Variants in SLC45A1 observed in about 807,000 individuals in gnomAD.
SLC45A1 encodes solute carrier family 45 member 1, also known as proton-associated sugar transporter A.
SLC45A1 carries 28 observed loss-of-function variants against 57.6 expected under a neutral mutation model. That is an observed-to-expected ratio of 0.49 (90% CI 0.36 to 0.67). The LOEUF (loss-of-function observed/expected upper bound fraction) is 0.67. Ranked by LOEUF, SLC45A1 falls within the 30% of genes least tolerant of loss-of-function variation. The probability of loss-of-function intolerance (pLI) is 0.00; values close to 1 mark genes in which losing one functional copy is unlikely to be tolerated. For missense variants in SLC45A1, 814 were observed against 1,041.5 expected, an observed-to-expected ratio of 0.78 and a Z score of 3.01; for synonymous variants, 459 against 471.5, an observed-to-expected ratio of 0.97 and a Z score of 0.34.
intron 7 of SLC45A1, among the ~76,000 whole-genome samples, chr1:8,338,589 G>A (rs932961179): frequency 6.6e-6 from 1 of 152,348 alleles, no homozygotes; most frequent in Non-Finnish European, 1.5e-5. Context: ...CAAAAGGCCA[G>A]AGAGTTGGTA....
Position 8,335,641 on chromosome 1 carries a change from T to G in SLC45A1, c.1597+51T>G. 6.6e-7 allele frequency: 1 copy of G among 1,520,424 alleles called. No individual in the cohort carries two copies. 94.2% of individuals were successfully genotyped at this position (1,520,424 alleles called of 1,614,324 possible). A position where few individuals can be genotyped will look rare whatever the true frequency, so the allele number is the denominator to read the frequency against. Reference sequence around the variant, plus strand: ...TGAGTCCTGGTCCTGCTCAGGGCTCTCGCCCCACTGGCCTCCCAGGATGCC... The same window carrying G: ...TGAGTCCTGGTCCTGCTCAGGGCTCGCGCCCCACTGGCCTCCCAGGATGCC... On this transcript the variant is annotated intron_variant, in intron 6 of 8. Coordinates refer to ENST00000471889, the MANE Select transcript of SLC45A1 (RefSeq NM_001080397.3). The surrounding 1 kb of genome is among the most constrained non-coding windows in gnomAD (Gnocchi z 4.1).
intron 4 of SLC45A1, among the ~76,000 whole-genome samples, chr1:8,329,241 C>A (rs564367520): frequency 6.6e-6 from 1 of 152,160 alleles, no homozygotes; most frequent in African/African-American, 2.4e-5. Flanking sequence ...AAAGGTAAAC[C>A]CCTAATGTGG....
In SLC45A1 at chr1:8,343,728, G is replaced by A. The variant is rs759286140; in HGVS notation, c.1981-19G>A. On this transcript the variant is annotated intron_variant, in intron 8 of 8. Coordinates refer to ENST00000471889, the MANE Select transcript of SLC45A1 (RefSeq NM_001080397.3). This position sits in a 1 kb window ranked among gnomAD's most constrained non-coding sequence, Gnocchi z 7.7. ...TGGCCGCGGCGTGTCTCGCTGACAC[G>A]TTTCTTCCTCTGGGTCAGTTTGCAG... 9.4e-6 allele frequency: 15 copies of A among 1,597,078 alleles called. No homozygotes were observed. Among genetic ancestry groups the A allele is most frequent in the Middle Eastern group, 1.7e-4 (1 of 6,048 alleles).
At position 8,339,482 on chromosome 1, in the gene SLC45A1, G is replaced by A. The variant is rs1640734025; in HGVS notation, c.1775-11G>A. 2 of 1,613,956 alleles carry A rather than the reference G, an allele frequency of 1.2e-6. No homozygotes were observed. Among genetic ancestry groups the A allele is most frequent in the Non-Finnish European group, 1.7e-6 (2 of 1,179,968 alleles). On this transcript the variant is annotated splice_polypyrimidine_tract_variant and intron_variant, in intron 7 of 8. Coordinates refer to ENST00000471889, the MANE Select transcript of SLC45A1 (RefSeq NM_001080397.3). ...CCGTGTGGCACTGCTCACCCTCTCT[G>A]TGGCCCGCAGCTATCCTGGAGAAGC... is the stretch of plus-strand genomic sequence containing the variant.
At chr1:8,334,315 T>C (rs943568302) in intron 5 of SLC45A1, among the ~76,000 whole-genome samples, 2 of 152,236 alleles carry the variant, frequency 1.3e-5, no homozygotes, top group African/African-American at 4.8e-5. Flanking sequence ...GCTCTGCCGA[T>C]GTGGGTGTCC....
At position 8,330,429 on chromosome 1, in the gene SLC45A1, G is replaced by A. The variant is rs750070749; in HGVS notation, c.936G>A (p.Pro312=). ...AGAGCCCCAGCCTCCCGCTGCCCCC[G>A]TCCCCACCCGTCCTGCCAGAGGAAG... ...AMKSPSLPLP[P]SPPVLPEEGP... The change falls in exon 5 of 9, where the codon CCG becomes CCA. Residue 312 remains proline, a synonymous_variant. Transcript: ENST00000471889. This position sits in a 1 kb window ranked among gnomAD's most constrained non-coding sequence, Gnocchi z 8.4. 99 of 1,610,988 alleles carry A rather than the reference G, an allele frequency of 6.1e-5. No individual in the cohort carries two copies. The highest frequency in any genetic ancestry group is 1.6e-4 in the Middle Eastern group (1 of 6,078).
intron 1 of SLC45A1, among the ~76,000 whole-genome samples, chr1:8,319,544 T>A (rs1639935297): frequency 2.0e-5 from 3 of 152,206 alleles, no homozygotes. Context: ...TTGCATAGCC[T>A]TCGGGGGATC....
At chr1:8,321,302 A>G (rs562101028) in intron 1 of SLC45A1, among the ~76,000 whole-genome samples, 1 of 152,148 alleles carries the variant, frequency 6.6e-6, no homozygotes, top group East Asian at 1.9e-4. Context: ...CCTACAGGAA[A>G]GCGTGGTATT....
At position 8,328,352 on chromosome 1, in the gene SLC45A1, G is replaced by C. The variant is rs975738040; in HGVS notation, c.716-1857G>C. On this transcript the variant is annotated intron_variant, in intron 4 of 8. Coordinates refer to ENST00000471889, the MANE Select transcript of SLC45A1 (RefSeq NM_001080397.3). This position sits in a 1 kb window ranked among gnomAD's most constrained non-coding sequence, Gnocchi z 4.6. ...AAATGGCTCTACTTCCACAAGCCTC[G>C]GTCGCATCTCCTGGAAAATGTTGCC... is the stretch of plus-strand genomic sequence containing the variant. Among the ~76,000 whole-genome samples the C allele has an allele frequency of 1.1e-4, 17 of 152,158 alleles. No homozygotes were observed. Among genetic ancestry groups the C allele is most frequent in the African/African-American group, 4.1e-4 (17 of 41,422 alleles).
Position 8,330,045 on chromosome 1 carries a change from C to G in SLC45A1, c.716-164C>G. 1 of 868,998 alleles carries G rather than the reference C, an allele frequency of 1.2e-6. No homozygotes were observed. The highest frequency in any genetic ancestry group is 1.8e-6 in the Non-Finnish European group (1 of 569,216). 53.8% of individuals were successfully genotyped at this position (868,998 alleles called of 1,614,324 possible). ...AGGGGGACCTCCTCAAGGGGCCCGC[C>G]CTGGGAATCCTGTCCCATTTTGTTG... On this transcript the variant is annotated intron_variant, in intron 4 of 8. Coordinates refer to ENST00000471889, the MANE Select transcript of SLC45A1 (RefSeq NM_001080397.3). This position sits in a 1 kb window ranked among gnomAD's most constrained non-coding sequence, Gnocchi z 8.4.
Position 8,324,658 on chromosome 1 carries a change from C to T in SLC45A1, c.329C>T (p.Pro110Leu), listed in dbSNP as rs1640139500. Residue 110 changes from proline to leucine, a missense_variant, in exon 2 of 9, where the codon CCG becomes CTG. By Grantham distance (98) the Pro-to-Leu change is moderately conservative. Transcript: ENST00000471889. ...SYAMETAYVT[P>L]VLLQMGLPDQ... ...GCCATGGAGACGGCGTACGTGACCC[C>T]GGTGCTCCTGCAGATGGGCCTGCCC... 3.1e-6 allele frequency: 5 copies of T among 1,599,858 alleles called. No homozygotes were observed. Among genetic ancestry groups the T allele is most frequent in the Non-Finnish European group, 4.3e-6 (5 of 1,173,582 alleles).
rs1430357690 is a variant in SLC45A1, at chr1:8,327,050, C to T, written c.715+1008C>T. On this transcript the variant is annotated intron_variant, in intron 4 of 8. Coordinates refer to ENST00000471889, the MANE Select transcript of SLC45A1 (RefSeq NM_001080397.3). The surrounding 1 kb of genome is among the most constrained non-coding windows in gnomAD (Gnocchi z 4.3). The stretch of plus-strand genomic sequence containing the variant: ...AGCGTGGAGACGAGAAGGCAGAGCT[C>T]AGCCCTGCGGGGCCTCAGCTGGATC... Among the ~76,000 whole-genome samples the T allele has an allele frequency of 6.6e-6, 1 of 152,250 alleles. No individual in the cohort carries two copies. The highest frequency in any genetic ancestry group is 1.9e-4 in the East Asian group (1 of 5,206).
Position 8,339,543 on chromosome 1 carries a change from A to G in SLC45A1, c.1825A>G (p.Ile609Val). 1 of 1,614,148 alleles carries G rather than the reference A, an allele frequency of 6.2e-7. No homozygotes were observed. The highest frequency in any genetic ancestry group is 8.5e-7 in the Non-Finnish European group (1 of 1,180,028). The change falls in exon 8 of 9, where the codon ATC (isoleucine) becomes GTC (valine). Residue 609 changes from isoleucine (I) to valine (V), a missense_variant. Coordinates refer to ENST00000471889, the MANE Select transcript of SLC45A1 (RefSeq NM_001080397.3). ...CCTCAGCGTCCGCACCCTCTACTTC[A>G]TCGCCTATCTCGCCTTCGGCCTGGG... ...EFLSVRTLYF[I>V]AYLAFGLGTG...
rs1305399179 is a variant in SLC45A1 at position 8,333,239 on chromosome 1, CT to C, written c.1444-2186del. 6.6e-3 allele frequency among the ~76,000 whole-genome samples: 953 copies of C among 144,714 alleles called. 12 individuals carry two copies. Among genetic ancestry groups the C allele is most frequent in the African/African-American group, 0.018 (706 of 39,540 alleles). 94.9% of individuals were successfully genotyped at this position (144,714 alleles called of 152,430 possible). On this transcript the variant is annotated intron_variant, in intron 5 of 8. Coordinates refer to ENST00000471889, the MANE Select transcript of SLC45A1 (RefSeq NM_001080397.3). The stretch of plus-strand genomic sequence containing the variant: ...GCACTGTTCATTTTCTTTTCCTTTC[CT>C]TTTTTTTTTTTCTTTTATTTCTTTT...
Position 8,330,083 on chromosome 1 carries a change from A to G in SLC45A1, c.716-126A>G. 1 of 1,224,672 alleles carries G rather than the reference A, an allele frequency of 8.2e-7. No homozygotes were observed. 75.9% of individuals were successfully genotyped at this position (1,224,672 alleles called of 1,614,324 possible). ...TCCCATTTTGTTGGGGTTTAGGTGG[A>G]ACAGGTTCTGTGCCCACGTCCCTGG... On this transcript the variant is annotated intron_variant, in intron 4 of 8. Transcript: ENST00000471889. This position sits in a 1 kb window ranked among gnomAD's most constrained non-coding sequence, Gnocchi z 8.4.
intron 4 of SLC45A1, among the ~76,000 whole-genome samples, chr1:8,329,479 C>A (rs992542868): frequency 4.6e-5 from 7 of 152,218 alleles, no homozygotes; most frequent in Admixed American, 2.6e-4. Flanking sequence ...CTCTTGCCAT[C>A]GAAGCACAGA....
At chr1:8,329,713 G>C (rs1462231170) in intron 4 of SLC45A1, among the ~76,000 whole-genome samples, 1 of 152,202 alleles carries the variant, frequency 6.6e-6, no homozygotes, top group Non-Finnish European at 1.5e-5. Context: ...GCCTGCCAGG[G>C]TGTGGGGAGG....
intron 6 of SLC45A1, chr1:8,336,018 C>G (rs1412711776): frequency 5.7e-6 from 1 of 174,706 alleles, no homozygotes; most frequent in African/African-American, 2.4e-5. Flanking sequence ...TTTGTAAATT[C>G]ACACGGCTCG....
chr1:8,330,733 C>T lies in SLC45A1; in HGVS notation c.1240C>T (p.Gln414Ter). The change falls in exon 5 of 9, where the codon CAG becomes TAG. Residue 414 changes from glutamine to a stop codon, truncating the protein, a stop_gained. Transcript: ENST00000471889. LOFTEE classifies it high-confidence loss of function. This position sits in a 1 kb window ranked among gnomAD's most constrained non-coding sequence, Gnocchi z 8.4. ...FPRAPDGFYRQDRGLLEGREG... is the reference protein window; with the variant it reads ...FPRAPDGFYR ...CCGGGCCCCCGACGGCTTCTACCGC[C>T]AGGACCGTGGACTTCTGGAGGGCAG... is the stretch of plus-strand genomic sequence containing the variant. 1 of 1,613,270 alleles carries T rather than the reference C, an allele frequency of 6.2e-7. No individual in the cohort carries two copies. The highest frequency in any genetic ancestry group is 2.2e-5 in the East Asian group (1 of 44,874).
Sources: gnomAD v4.1 joint callset for allele counts (sites outside exome capture counted in the v4.1 genomes callset) on GRCh38, gnomAD v4.1.1 for gene constraint, Gnocchi (gnomAD v3.1) non-coding constraint, MANE v1.5 for transcripts, NCBI Gene and HGNC (gene_info 2026-07-23, HGNC 2026-07-21) for gene names.